Variants in TUT7 observed in about 807,000 individuals in gnomAD.
The protein encoded by TUT7 is terminal uridylyltransferase 7.
In TUT7, 33 loss-of-function variants were observed where a neutral mutation model predicts 165.9. The observed-to-expected ratio is 0.20, with a 90% CI of 0.15 to 0.27. The LOEUF is 0.27. Ranked by LOEUF, TUT7 falls within the 10% of genes least tolerant of loss-of-function variation. The pLI, the probability that TUT7 is intolerant of heterozygous loss-of-function variation, is 1.00. For missense variants in TUT7, 1,338 were observed against 1,762.3 expected (o/e 0.76, Z 4.31); for synonymous variants, 552 against 608.1 (o/e 0.91, Z 1.36).
chr9:86,351,393 G>A (rs902949506), intron 2 of TUT7, among the ~76,000 whole-genome samples: 2 of 151,776 alleles, frequency 1.3e-5, no homozygotes, highest in East Asian at 1.9e-4. Context: ...CCAAGATCGC[G>A]CCACTGTACT....
At chr9:86,330,573 G>A (rs1830223907) in intron 10 of TUT7, among the ~76,000 whole-genome samples, 1 of 152,210 alleles carries the variant, frequency 6.6e-6, no homozygotes. Flanking sequence ...GATATTTTCT[G>A]AAGAGCTGCA....
At position 86,288,750 on chromosome 9, in the gene TUT7, G is replaced by A. The variant is rs372743643; in HGVS notation, c.4421-6C>T. 65 of 1,609,716 alleles carry A rather than the reference G, an allele frequency of 4.0e-5. No homozygotes were observed. Among genetic ancestry groups the A allele is most frequent in the Non-Finnish European group, 4.7e-5 (55 of 1,177,200 alleles). ...ATATTTACTGGAAAGGCTACCTAGA[G>A]GAGGGGAAGAAACAAAACCCAATAT... On this transcript the variant is annotated splice_region_variant and splice_polypyrimidine_tract_variant and intron_variant, in intron 26 of 26. Transcript: ENST00000375963.
chr9:86,329,874 T>C (rs560832922), intron 10 of TUT7, among the ~76,000 whole-genome samples: 1 of 152,232 alleles, frequency 6.6e-6, no homozygotes, highest in African/African-American at 2.4e-5. Flanking sequence ...TGACTCATTC[T>C]CCCTCACTTT....
At chr9:86,295,011 T>C (rs752486055) in intron 26 of TUT7, among the ~76,000 whole-genome samples, 8 of 152,174 alleles carry the variant, frequency 5.3e-5, no homozygotes, top group Non-Finnish European at 8.8e-5. Context: ...TTATAGAAAA[T>C]AGGGCCTAGC....
At chr9:86,345,177 T>C (rs1235560363) in intron 4 of TUT7, 23 bp from the exon 5 acceptor site, 1 of 1,592,126 alleles carries the variant, frequency 6.3e-7, no homozygotes, top group Non-Finnish European at 8.5e-7. Context: ...AATGTTGAGA[T>C]TAAAAATGAC....
chr9:86,313,809 G>A (rs1255792094), intron 17 of TUT7, among the ~76,000 whole-genome samples: 1 of 152,212 alleles, frequency 6.6e-6, no homozygotes, highest in African/African-American at 2.4e-5. Flanking sequence ...AGATGTCAGA[G>A]TTTGAGTTTC....
chr9:86,304,600 A>G (rs1012345184), intron 24 of TUT7, among the ~76,000 whole-genome samples: 2 of 152,204 alleles, frequency 1.3e-5, no homozygotes, highest in Non-Finnish European at 2.9e-5. Flanking sequence ...ATAACCAGAA[A>G]AAAAAAAGGC....
rs1825667030 is a variant in TUT7 at position 86,288,153 on chromosome 9, G to A, written c.*524C>T. On this transcript the variant is annotated 3_prime_UTR_variant, in exon 27 of 27. Transcript: ENST00000375963. ...CACATAAATAGGTACTCATGTTCAT[G>A]TTATCACGTCTACAAATAGCAATAA... 1 of 152,254 alleles carries A rather than the reference G, an allele frequency of 6.6e-6. No individual in the cohort carries two copies. The highest frequency in any genetic ancestry group is 1.5e-5 in the Non-Finnish European group (1 of 68,088). The allele number at this position is 152,254 out of a possible 1,614,324, so 9.4% of individuals were successfully genotyped here. A position where few individuals can be genotyped will look rare whatever the true frequency, so the allele number is the denominator to read the frequency against.
Position 86,317,275 on chromosome 9 carries a change from C to T in TUT7, c.3218G>A (p.Gly1073Glu). The change falls in exon 17 of 27, where the codon GGA becomes GAA. Residue 1073 changes from glycine to glutamate, a missense_variant and splice_region_variant. Coordinates refer to ENST00000375963, the MANE Select transcript of TUT7 (RefSeq NM_024617.4). The stretch of plus-strand genomic sequence containing the variant: ...TTCAATAGTTCTGACACAGTCCAAT[C>T]CCTACAACAAAGAAGGCATAAAGAA... ...MTINGLETAEGLDCVRTIEEL... is the reference protein window; with the variant it reads ...MTINGLETAEELDCVRTIEEL... 2 of 1,613,374 alleles carry T rather than the reference C, an allele frequency of 1.2e-6. No individual in the cohort carries two copies. The highest frequency in any genetic ancestry group is 1.7e-6 in the Non-Finnish European group (2 of 1,179,654).
At chr9:86,351,319 C>T (rs955490242) in intron 2 of TUT7, among the ~76,000 whole-genome samples, 2 of 152,022 alleles carry the variant, frequency 1.3e-5, no homozygotes, top group African/African-American at 4.8e-5. Context: ...GCCTGTAGTC[C>T]CAGCTACTTT....
intron 10 of TUT7, among the ~76,000 whole-genome samples, chr9:86,332,549 G>A (rs767150925): frequency 6.6e-6 from 1 of 152,176 alleles, no homozygotes; most frequent in South Asian, 2.1e-4. Flanking sequence ...CTACTTGAAG[G>A]TTAAGGGTAG....
chr9:86,330,015 T>C lies in TUT7; in HGVS notation c.1456-1523A>G, dbSNP rs374181185. ...TATATTTATTAGTCTCTTGCCCCAATTGGATGTATAAATTCGAGGGCAAGA... is the reference window on the plus strand; with the variant it reads ...TATATTTATTAGTCTCTTGCCCCAACTGGATGTATAAATTCGAGGGCAAGA... On this transcript the variant is annotated intron_variant, in intron 10 of 26. Coordinates refer to ENST00000375963, the MANE Select transcript of TUT7 (RefSeq NM_024617.4). Among the ~76,000 whole-genome samples the C allele has an allele frequency of 9.8e-4, 150 of 152,312 alleles. 1 individual carries two copies. In the South Asian group the frequency reaches 0.029, roughly 30 times the overall value.
At chr9:86,327,323 T>C (rs1343112291) in intron 11 of TUT7, among the ~76,000 whole-genome samples, 2 of 152,232 alleles carry the variant, frequency 1.3e-5, no homozygotes, top group African/African-American at 2.4e-5. Context: ...GAACATTTTC[T>C]TTTTCAAATA....
At position 86,322,357 on chromosome 9, in the gene TUT7, T is replaced by G. The variant is rs1181143633; in HGVS notation, c.2996A>C (p.Asn999Thr). Residue 999 changes from asparagine (N) to threonine (T), a missense_variant, in exon 14 of 27, where the codon AAT (asparagine) becomes ACT (threonine). Physicochemically the swap from Asn to Thr is moderately conservative, Grantham distance 65 (BLOSUM62 0). This residue lies in a region of TUT7 where 425 missense variants were observed against 474.9 expected (regional missense o/e 0.89). Transcript: ENST00000375963. The stretch of plus-strand genomic sequence containing the variant: ...CTGGATACAGACTTGATCTAAGATA[T>G]TTAAAAACTTGGGTGTTAATGGTGG... ...PLPPLTPKFL[N>T]ILDQVCIQCY... 2 of 1,614,066 alleles carry G rather than the reference T, an allele frequency of 1.2e-6. No individual in the cohort carries two copies. The highest frequency in any genetic ancestry group is 2.2e-5 in the South Asian group (2 of 91,082).
At chr9:86,319,471 A>G (rs1829026497) in intron 15 of TUT7, 113 bp downstream of exon 15, 8 of 749,770 alleles carry the variant, frequency 1.1e-5, no homozygotes, top group Non-Finnish European at 1.7e-5. Context: ...TCCTGGGTAT[A>G]TTGCAAAACA....
chr9:86,351,255 G>A (rs1377194102), intron 2 of TUT7, among the ~76,000 whole-genome samples: 1 of 152,098 alleles, frequency 6.6e-6, no homozygotes, highest in Non-Finnish European at 1.5e-5. Flanking sequence ...GGCCAACATG[G>A]TGAAACCCTG....
chr9:86,330,154 T>C (rs1830181217), intron 10 of TUT7, among the ~76,000 whole-genome samples: 1 of 152,046 alleles, frequency 6.6e-6, no homozygotes, highest in Non-Finnish European at 1.5e-5. Context: ...ACCTCCTGGG[T>C]TGAAGCGATT....
chr9:86,299,442 TGA>T (rs1275406708), intron 26 of TUT7, among the ~76,000 whole-genome samples: 3 of 152,146 alleles, frequency 2.0e-5, no homozygotes, highest in Non-Finnish European at 4.4e-5. Context: ...AGCATAATTT[TGA>T]GAGAGGAAGA....
intron 19 of TUT7, 111 bp downstream of exon 19, chr9:86,309,817 C>T: frequency 8.9e-7 from 1 of 1,124,460 alleles, no homozygotes; most frequent in Admixed American, 2.5e-5. Flanking sequence ...CAAATAGCTA[C>T]ATGAAGCATT....
Sources: gnomAD v4.1 joint callset for allele counts (sites outside exome capture counted in the v4.1 genomes callset) on GRCh38, gnomAD v4.1.1 for gene constraint, gnomAD v4.1.1 regional missense constraint, MANE v1.5 for transcripts, NCBI Gene and HGNC (gene_info 2026-07-23, HGNC 2026-07-21) for gene names.